Variants in ETNK2 observed in about 807,000 individuals in gnomAD.
ETNK2 encodes ethanolamine kinase-like protein.
A neutral mutation model predicts 46.2 loss-of-function variants in ETNK2; 33 were observed. The observed-to-expected ratio is 0.71, with a 90% CI of 0.54 to 0.96. ETNK2 has a LOEUF of 0.96. ETNK2 is among the 40% of genes least tolerant of loss of function. ETNK2 has a pLI of 0.00. For missense variants in ETNK2, 445 were observed against 509.7 expected, an observed-to-expected ratio of 0.87 and a Z score of 1.22; for synonymous variants, 194 against 209.0, an observed-to-expected ratio of 0.93 and a Z score of 0.62.
chr1:204,132,582 G>A (rs1055951544), intron 7 of ETNK2, among the ~76,000 whole-genome samples: 14 of 152,000 alleles, frequency 9.2e-5, no homozygotes, highest in Admixed American at 5.2e-4. Flanking sequence ...ATAGGTGCAC[G>A]CCACCACACC....
intron 3 of ETNK2, among the ~76,000 whole-genome samples, chr1:204,145,759 C>G (rs1335252352): frequency 6.6e-6 from 1 of 152,204 alleles, no homozygotes; most frequent in African/African-American, 2.4e-5. Flanking sequence ...GCACCCTACT[C>G]CCATGAACAT....
intron 6 of ETNK2, among the ~76,000 whole-genome samples, chr1:204,136,392 T>A (rs1657281881): frequency 7.5e-6 from 1 of 132,976 alleles, no homozygotes; most frequent in Non-Finnish European, 1.6e-5. Context: ...CGGGACCCTG[T>A]CTCAAAAAAA....
intron 6 of ETNK2, 176 bp from the exon 7 acceptor site, chr1:204,134,764 C>T (rs1423058931): frequency 7.0e-7 from 1 of 1,419,448 alleles, no homozygotes; most frequent in Admixed American, 2.1e-5. Context: ...CACTGCACAG[C>T]ATTTGGCGCC....
chr1:204,148,248 A>G (rs1482558151), intron 2 of ETNK2, among the ~76,000 whole-genome samples: 1 of 151,762 alleles, frequency 6.6e-6, no homozygotes, highest in East Asian at 2.0e-4. Context: ...GCTCTCCCCC[A>G]GATGTCACGT....
chr1:204,136,546 C>T (rs1279689350), intron 6 of ETNK2, among the ~76,000 whole-genome samples: 1 of 150,922 alleles, frequency 6.6e-6, no homozygotes, highest in African/African-American at 2.4e-5. Context: ...CACGTCTCTA[C>T]TAAAAATACA....
At position 204,149,719 on chromosome 1, in the gene ETNK2, C is replaced by A. The variant is rs1657928537; in HGVS notation, c.502G>T (p.Glu168Ter). ...CCTCCTCACCTGAAAAGCCGGGGCT[C>A]ACGGATGTGCTCAGGCTCCAGGGCC... ...GVALEPEHIR[E>*]PRLFRLIALE... Residue 168 changes from glutamate (E) to a stop codon, truncating the protein, a stop_gained, in exon 2 of 8, where the codon GAG becomes TAG. Coordinates refer to ENST00000367202, the MANE Select transcript of ETNK2 (RefSeq NM_018208.4). LOFTEE classifies it high-confidence loss of function. 1 of 1,592,480 alleles carries A rather than the reference C, an allele frequency of 6.3e-7. No homozygotes were observed. Among genetic ancestry groups the A allele is most frequent in the South Asian group, 1.1e-5 (1 of 87,348 alleles).
chr1:204,149,861 C>T lies in ETNK2; in HGVS notation c.360G>A (p.Leu120=), dbSNP rs1485064731. ...TGACCTCATTCTCCCGGTCCACCAG[C>T]AGCTCCGTCCGCTCCCCATACACCC... ...LVRVYGERTE[L]LVDRENEVRN... Residue 120 remains leucine, a synonymous_variant, in exon 2 of 8, where the codon CTG becomes CTA. Coordinates refer to ENST00000367202, the MANE Select transcript of ETNK2 (RefSeq NM_018208.4). 6.3e-7 allele frequency: 1 copy of T among 1,597,360 alleles called. No homozygotes were observed. The highest frequency in any genetic ancestry group is 1.1e-5 in the South Asian group (1 of 88,002).
intron 1 of ETNK2, among the ~76,000 whole-genome samples, 155 bp from the exon 2 acceptor site, chr1:204,150,117 CCT>C (rs1657949425): frequency 6.6e-6 from 1 of 152,168 alleles, no homozygotes; most frequent in African/African-American, 2.4e-5. Context: ...CACTCATGCT[CCT>C]CTCTGTCCCC....
chr1:204,147,801 C>T (rs1346143063), intron 2 of ETNK2, among the ~76,000 whole-genome samples: 2 of 152,176 alleles, frequency 1.3e-5, no homozygotes, highest in African/African-American at 2.4e-5. Flanking sequence ...AGGCTCCCAC[C>T]TCCTAAAGGG....
At chr1:204,148,894 G>A (rs1657897253) in intron 2 of ETNK2, among the ~76,000 whole-genome samples, 1 of 152,192 alleles carries the variant, frequency 6.6e-6, no homozygotes, top group Non-Finnish European at 1.5e-5. Context: ...CTGTCCCAGT[G>A]TCAGGAGTAA....
intron 3 of ETNK2, among the ~76,000 whole-genome samples, chr1:204,145,929 G>C (rs933339193): frequency 4.6e-5 from 7 of 152,148 alleles, no homozygotes; most frequent in Non-Finnish European, 8.8e-5. Flanking sequence ...GCGTCTAAAG[G>C]CTTGGAGGAC....
rs557236287 is a variant in ETNK2 at position 204,150,245 on chromosome 1, T to C, written c.259-283A>G. Among the ~76,000 whole-genome samples, 3 of 152,244 alleles carry C rather than the reference T, an allele frequency of 2.0e-5. No individual in the cohort carries two copies. The East Asian group carries it at 5.8e-4, about 29-fold the overall frequency. ...AATGGGATTTGGCAGTGGAGAAATT[T>C]CCACACTACTTGGGAGGTAGACGCC... On this transcript the variant is annotated intron_variant, in intron 1 of 7. Coordinates refer to ENST00000367202, the MANE Select transcript of ETNK2 (RefSeq NM_018208.4).
rs972842141 is a variant in ETNK2 at position 204,151,902 on chromosome 1, G to T, written c.-50C>A. On this transcript the variant is annotated 5_prime_UTR_variant, in exon 1 of 8. Transcript: ENST00000367202. The surrounding 1 kb of genome is among the most constrained non-coding windows in gnomAD (Gnocchi z 8.0). ...GCCGCGGCAGACGCTAGCCCCGGCG[G>T]GGGGGTCCGGCGAGGGAGTGGGAGT... The T allele has an allele frequency of 1.4e-6, 2 of 1,406,056 alleles. No individual in the cohort carries two copies. The highest frequency in any genetic ancestry group is 3.3e-5 in the Admixed American group (1 of 29,892). The allele number at this position is 1,406,056 out of a possible 1,614,324, so 87.1% of individuals were successfully genotyped here.
At chr1:204,133,408 C>A (rs1400062273) in intron 7 of ETNK2, among the ~76,000 whole-genome samples, 1 of 152,032 alleles carries the variant, frequency 6.6e-6, no homozygotes, top group Non-Finnish European at 1.5e-5. Flanking sequence ...ATATCCTTAC[C>A]AACAATTATT....
intron 5 of ETNK2, among the ~76,000 whole-genome samples, chr1:204,139,495 T>C (rs1657414969): frequency 6.6e-6 from 1 of 152,182 alleles, no homozygotes; most frequent in Non-Finnish European, 1.5e-5. Flanking sequence ...CAATGAGACT[T>C]GGAACTCTCT....
At chr1:204,149,565 A>G (rs975803045) in intron 2 of ETNK2, 138 bp downstream of exon 2, 100 of 1,108,766 alleles carry the variant, frequency 9.0e-5, no homozygotes, top group Middle Eastern at 5.0e-4. Context: ...AGAGCAATGC[A>G]TATAAACATG....
rs397982694 is a variant in ETNK2 at position 204,140,841 on chromosome 1, TA to T, written c.784+473del. Among the ~76,000 whole-genome samples, 3 of 140,096 alleles carry T rather than the reference TA, an allele frequency of 2.1e-5. No homozygotes were observed. The Admixed American group carries it at 2.1e-4, about 10-fold the overall frequency. 91.9% of individuals were successfully genotyped at this position (140,096 alleles called of 152,430 possible). ...CCTGGCCAGACTTTTTTTTTTTTTT[TA>T]AATAGGGTCTTGCTCTGTTGCCCAG... On this transcript the variant is annotated intron_variant, in intron 4 of 7. Transcript: ENST00000367202.
At position 204,131,952 on chromosome 1, in the gene ETNK2, G is replaced by T; in HGVS notation, c.*232C>A. 1 of 560,448 alleles carries T rather than the reference G, an allele frequency of 1.8e-6. No homozygotes were observed. Among genetic ancestry groups the T allele is most frequent in the Non-Finnish European group, 3.2e-6 (1 of 312,592 alleles). 34.7% of individuals were successfully genotyped at this position (560,448 alleles called of 1,614,324 possible). A position where few individuals can be genotyped will look rare whatever the true frequency, so the allele number is the denominator to read the frequency against. Reference sequence around the variant, plus strand: ...GCTGCAGGCACTTCCTCCCAAGCCTGGTGGGGTGAAGGGGACCCCCGGAAG... The same window carrying T: ...GCTGCAGGCACTTCCTCCCAAGCCTTGTGGGGTGAAGGGGACCCCCGGAAG... On this transcript the variant is annotated 3_prime_UTR_variant, in exon 8 of 8. Coordinates refer to ENST00000367202, the MANE Select transcript of ETNK2 (RefSeq NM_018208.4). This position sits in a 1 kb window ranked among gnomAD's most constrained non-coding sequence, Gnocchi z 4.3.
Position 204,144,345 on chromosome 1 carries a change from CAAAAAAAAAA to C in ETNK2, c.641+2287_641+2296del, listed in dbSNP as rs141761706. Among the ~76,000 whole-genome samples, 5 of 33,342 alleles carry C rather than the reference CAAAAAAAAAA, an allele frequency of 1.5e-4. 1 individual carries two copies. Among genetic ancestry groups the C allele is most frequent in the South Asian group, 4.7e-3 (2 of 430 alleles). 21.9% of individuals were successfully genotyped at this position (33,342 alleles called of 152,430 possible). ...TGGGCAACAGAGTGAGAATCCATCT[CAAAAAAAAAA>C]AAAAAAAAAAAAAAGCCATTTCCTA... is the stretch of plus-strand genomic sequence containing the variant. On this transcript the variant is annotated intron_variant, in intron 3 of 7. Coordinates refer to ENST00000367202, the MANE Select transcript of ETNK2 (RefSeq NM_018208.4).
Sources: allele counts gnomAD v4.1 joint callset (sites outside exome capture counted in the v4.1 genomes callset), GRCh38; gene constraint gnomAD v4.1.1; non-coding constraint Gnocchi (gnomAD v3.1); transcripts MANE v1.5; gene names NCBI Gene and HGNC (gene_info 2026-07-23, HGNC 2026-07-21).